Variants in FAM83F observed in about 807,000 individuals in gnomAD.
The protein encoded by FAM83F is protein FAM83F.
In FAM83F, 45 loss-of-function variants were observed where a neutral mutation model predicts 42.9. The observed-to-expected ratio is 1.05, with a 90% CI of 0.83 to 1.35. The LOEUF is 1.35. FAM83F is among the 40% of genes most tolerant of loss of function. The pLI is 0.00. For synonymous variants in FAM83F, 306 were observed against 298.3 expected, an observed-to-expected ratio of 1.03 and a Z score of -0.27; for missense variants, 617 against 695.9, an observed-to-expected ratio of 0.89 and a Z score of 1.28.
intron 2 of FAM83F, among the ~76,000 whole-genome samples, chr22:40,019,659 G>C (rs917368720): frequency 1.2e-4 from 19 of 152,292 alleles, no homozygotes; most frequent in African/African-American, 4.6e-4. Context: ...TTTGAGAAGA[G>C]GCAGGAACCA....
In FAM83F at chr22:40,038,419, A is replaced by G. The variant is rs1279978897; in HGVS notation, c.*8854A>G. The G allele has an allele frequency of 2.0e-5, 3 of 152,254 alleles. No homozygotes were observed. Among genetic ancestry groups the G allele is most frequent in the Non-Finnish European group, 4.4e-5 (3 of 68,068 alleles). The allele number at this position is 152,254 out of a possible 1,614,324, so 9.4% of individuals were successfully genotyped here. On this transcript the variant is annotated 3_prime_UTR_variant, in exon 5 of 5. Transcript: ENST00000333407. ...CAGTGAAGACTCAGATAACTCAAAT[A>G]TAGGTTTTGCCCGCAAAGCCTTCCT...
At chr22:40,018,153 G>T (rs998029976) in intron 1 of FAM83F, among the ~76,000 whole-genome samples, 6 of 152,220 alleles carry the variant, frequency 3.9e-5, no homozygotes, top group African/African-American at 1.4e-4. Context: ...CTTGATTTGA[G>T]GATGGCGTAG....
At position 39,995,592 on chromosome 22, in the gene FAM83F, C is replaced by T; in HGVS notation, c.489+61C>T. On this transcript the variant is annotated intron_variant, in intron 1 of 4. Coordinates refer to ENST00000333407, the MANE Select transcript of FAM83F (RefSeq NM_138435.4). This position sits in a 1 kb window ranked among gnomAD's most constrained non-coding sequence, Gnocchi z 4.6. The stretch of plus-strand genomic sequence containing the variant: ...CTCGGCCCCAGTCCCCTGGACCGGG[C>T]CCCACCTCCCAGGCAGGGCCCGGGG... 1.4e-6 allele frequency: 2 copies of T among 1,463,292 alleles called. No individual in the cohort carries two copies. Among genetic ancestry groups the T allele is most frequent in the Non-Finnish European group, 1.8e-6 (2 of 1,103,804 alleles). 90.6% of individuals were successfully genotyped at this position (1,463,292 alleles called of 1,614,324 possible).
chr22:40,019,094 G>A, intron 1 of FAM83F, 74 bp from the exon 2 acceptor site: 1 of 1,560,242 alleles, frequency 6.4e-7, no homozygotes. Flanking sequence ...GGGCGAGGTG[G>A]TACCATCTGA....
At chr22:39,998,340 C>G (rs1009573848) in intron 1 of FAM83F, among the ~76,000 whole-genome samples, 2 of 152,202 alleles carry the variant, frequency 1.3e-5, no homozygotes, top group African/African-American at 4.8e-5. Context: ...ATTTAATCCT[C>G]AGAATAACCC....
intron 2 of FAM83F, 61 bp downstream of exon 2, chr22:40,019,396 C>A: frequency 6.7e-7 from 1 of 1,495,668 alleles, no homozygotes; most frequent in Non-Finnish European, 9.2e-7. Context: ...ACCTCTGCCC[C>A]GTCCTGCAGC....
rs984444386 is a variant in FAM83F at position 39,995,459 on chromosome 22, C to T, written c.417C>T (p.Thr139=). ...YRGVSRVTLF[T]HPPKDEKAPH... is the part of the protein sequence containing the mutation. ...GCGTGAGCCGGGTCACGCTCTTCAC[C>T]CACCCGCCCAAGGACGAGAAGGCGC... is the stretch of plus-strand genomic sequence containing the variant. Residue 139 remains threonine (T), a synonymous_variant, in exon 1 of 5, where the codon ACC becomes ACT. Coordinates refer to ENST00000333407, the MANE Select transcript of FAM83F (RefSeq NM_138435.4). This position sits in a 1 kb window ranked among gnomAD's most constrained non-coding sequence, Gnocchi z 4.6. 3.2e-6 allele frequency: 5 copies of T among 1,569,236 alleles called. No homozygotes were observed. Among genetic ancestry groups the T allele is most frequent in the Middle Eastern group, 1.7e-4 (1 of 6,020 alleles).
chr22:40,042,218 A>G lies in FAM83F; in HGVS notation c.*12653A>G, dbSNP rs1171767648. ...CATCTTATTTGGAAATTATTTTCCT[A>G]TTCTCAAGTGGGCAAATAGGAGAAG... On this transcript the variant is annotated 3_prime_UTR_variant, in exon 5 of 5. Coordinates refer to ENST00000333407, the MANE Select transcript of FAM83F (RefSeq NM_138435.4). 1 of 152,148 alleles carries G rather than the reference A, an allele frequency of 6.6e-6. No homozygotes were observed. The highest frequency in any genetic ancestry group is 1.5e-5 in the Non-Finnish European group (1 of 68,020). The allele number at this position is 152,148 out of a possible 1,614,324, so 9.4% of individuals were successfully genotyped here. A position where few individuals can be genotyped will look rare whatever the true frequency, so the allele number is the denominator to read the frequency against.
At chr22:40,019,107 A>C (rs566712196) in intron 1 of FAM83F, 61 bp from the exon 2 acceptor site, 2 of 1,585,090 alleles carry the variant, frequency 1.3e-6, no homozygotes, top group Admixed American at 3.4e-5. Flanking sequence ...CCATCTGAGC[A>C]GGGCATGCCT....
rs1174783461 is a variant in FAM83F at position 40,040,245 on chromosome 22, G to A, written c.*10680G>A. 2 of 152,212 alleles carry A rather than the reference G, an allele frequency of 1.3e-5. No homozygotes were observed. The highest frequency in any genetic ancestry group is 2.9e-5 in the Non-Finnish European group (2 of 68,042). The allele number at this position is 152,212 out of a possible 1,614,324, so 9.4% of individuals were successfully genotyped here. Reference sequence around the variant, plus strand: ...GGGTTCCCAAGTCAGACATCCCAGAGGCAATATAGCAGCGTGGACAAGAGC... The same window carrying A: ...GGGTTCCCAAGTCAGACATCCCAGAAGCAATATAGCAGCGTGGACAAGAGC... On this transcript the variant is annotated 3_prime_UTR_variant, in exon 5 of 5. Coordinates refer to ENST00000333407, the MANE Select transcript of FAM83F (RefSeq NM_138435.4).
chr22:40,007,718 C>T (rs1411135751), intron 1 of FAM83F, among the ~76,000 whole-genome samples: 2 of 150,958 alleles, frequency 1.3e-5, no homozygotes, highest in East Asian at 3.9e-4. Flanking sequence ...CTCTCTTCCT[C>T]CTGTCCTCCT....
chr22:40,017,950 T>C (rs2067500638), intron 1 of FAM83F, among the ~76,000 whole-genome samples: 2 of 152,174 alleles, frequency 1.3e-5, no homozygotes, highest in Admixed American at 1.3e-4. Context: ...GCCGAGGACT[T>C]TTCCTCAGCA....
In FAM83F at chr22:40,021,872, T is replaced by C; in HGVS notation, c.1362T>C (p.Asn454=). The C allele has an allele frequency of 2.5e-6, 4 of 1,611,448 alleles. No individual in the cohort carries two copies. Among genetic ancestry groups the C allele is most frequent in the African/African-American group, 2.7e-5 (2 of 74,992 alleles). Residue 454 remains asparagine (N), a synonymous_variant, in exon 4 of 5, where the codon AAT becomes AAC. Transcript: ENST00000333407. The surrounding 1 kb of genome is among the most constrained non-coding windows in gnomAD (Gnocchi z 8.7). The part of the protein sequence containing the change: ...SRRAKRPAAP[N]GMASSVSTET... ...GAGCCAAGAGGCCTGCGGCGCCCAATGGCATGGCCAGCTCTGTCTCCACCG... is the reference window on the plus strand; with the variant it reads ...GAGCCAAGAGGCCTGCGGCGCCCAACGGCATGGCCAGCTCTGTCTCCACCG...
chr22:40,027,367 CA>C (rs1254109182), intron 4 of FAM83F, among the ~76,000 whole-genome samples: 1 of 152,180 alleles, frequency 6.6e-6, no homozygotes, highest in Non-Finnish European at 1.5e-5. Flanking sequence ...GCCAGCAAAC[CA>C]GACTGACTGC....
chr22:40,026,317 G>T (rs772379600), intron 4 of FAM83F, among the ~76,000 whole-genome samples: 1 of 152,136 alleles, frequency 6.6e-6, no homozygotes, highest in Non-Finnish European at 1.5e-5. Flanking sequence ...TCAGGAGATC[G>T]AGATCATCCT....
In FAM83F at chr22:40,023,428, C is replaced by T. The variant is rs948667417; in HGVS notation, c.1453+1465C>T. ...CCATGGTGAACACCTGGCAAGGGAGCGAGGGGAAGAGGGGAAGGAGGTGGA... is the reference window on the plus strand; with the variant it reads ...CCATGGTGAACACCTGGCAAGGGAGTGAGGGGAAGAGGGGAAGGAGGTGGA... On this transcript the variant is annotated intron_variant, in intron 4 of 4. Transcript: ENST00000333407. This position sits in a 1 kb window ranked among gnomAD's most constrained non-coding sequence, Gnocchi z 4.1. Among the ~76,000 whole-genome samples, 3 of 151,568 alleles carry T rather than the reference C, an allele frequency of 2.0e-5. No homozygotes were observed. Among genetic ancestry groups the T allele is most frequent in the Non-Finnish European group, 4.4e-5 (3 of 67,878 alleles).
At chr22:40,015,681 G>C (rs2067489046) in intron 1 of FAM83F, among the ~76,000 whole-genome samples, 1 of 152,110 alleles carries the variant, frequency 6.6e-6, no homozygotes, top group Admixed American at 6.5e-5. Context: ...GGTGCCAAAG[G>C]CTTCCCGTCC....
At chr22:40,000,944 A>C (rs957941539) in intron 1 of FAM83F, among the ~76,000 whole-genome samples, 1 of 152,220 alleles carries the variant, frequency 6.6e-6, no homozygotes, top group Non-Finnish European at 1.5e-5. Context: ...GCAAGTGGCC[A>C]TGCCACATGA....
rs1330897995 is a variant in FAM83F, at chr22:40,020,026, A to T, written c.779+18A>T. The T allele has an allele frequency of 6.2e-7, 1 of 1,605,762 alleles. No individual in the cohort carries two copies. The highest frequency in any genetic ancestry group is 8.5e-7 in the Non-Finnish European group (1 of 1,176,706). ...TCTTACAGGTGAGTTGGGCCGGATC[A>T]AAGAAGGGCCCAGGAGGCCTTGATT... On this transcript the variant is annotated intron_variant, in intron 3 of 4. Transcript: ENST00000333407.
Sources: allele counts gnomAD v4.1 joint callset (sites outside exome capture counted in the v4.1 genomes callset), GRCh38; gene constraint gnomAD v4.1.1; non-coding constraint Gnocchi (gnomAD v3.1); transcripts MANE v1.5; gene names NCBI Gene and HGNC (gene_info 2026-07-23, HGNC 2026-07-21).